The following KIF6 variants were observed in gnomAD, a reference collection of about 807,000 sequenced individuals.
KIF6 encodes kinesin family member 6, also known as kinesin-like protein KIF6.
A neutral mutation model predicts 112.7 loss-of-function variants in KIF6; 106 were observed. That is an observed-to-expected ratio of 0.94 (90% CI 0.80 to 1.11). The LOEUF (loss-of-function observed/expected upper bound fraction) is 1.11, where lower values mean the gene tolerates loss of function less well. KIF6 is among the 50% of genes least tolerant of loss of function. The pLI, the probability that KIF6 is intolerant of heterozygous loss-of-function variation, is 0.00. For synonymous variants in KIF6, 339 were observed against 339.9 expected (o/e 1.00, Z 0.03); for missense variants, 929 against 964.0 (o/e 0.96, Z 0.48).
chr6:39,545,132 T>A (rs1220968484), intron 11 of KIF6, among the ~76,000 whole-genome samples: 1 of 152,204 alleles, frequency 6.6e-6, no homozygotes, highest in Non-Finnish European at 1.5e-5. Context: ...ACAACAAATG[T>A]TTATTATCTT....
At chr6:39,606,676 A>G (rs1782906973) in intron 6 of KIF6, among the ~76,000 whole-genome samples, 1 of 152,126 alleles carries the variant, frequency 6.6e-6, no homozygotes, top group Non-Finnish European at 1.5e-5. Context: ...CCTGAACCCC[A>G]CTCACCAAAG....
chr6:39,343,696 G>A lies in KIF6; in HGVS notation c.2428+13C>T. On this transcript the variant is annotated intron_variant, in intron 22 of 22. Transcript: ENST00000287152. The surrounding 1 kb of genome is among the most constrained non-coding windows in gnomAD (Gnocchi z 4.1). Reference sequence around the variant, plus strand: ...TGCTGCCCAGGAGGAGCCACCGAGGGAGGTGCACTTACATTGCTTCTGCAG... The same window carrying A: ...TGCTGCCCAGGAGGAGCCACCGAGGAAGGTGCACTTACATTGCTTCTGCAG... 1 of 1,586,348 alleles carries A rather than the reference G, an allele frequency of 6.3e-7. No homozygotes were observed. Among genetic ancestry groups the A allele is most frequent in the Non-Finnish European group, 8.6e-7 (1 of 1,162,480 alleles).
At chr6:39,341,896 C>T (rs1407876379) in intron 22 of KIF6, among the ~76,000 whole-genome samples, 1 of 151,610 alleles carries the variant, frequency 6.6e-6, no homozygotes, top group African/African-American at 2.4e-5. Flanking sequence ...ACTGGTCTAC[C>T]CTTGGCCCCT....
In KIF6 at chr6:39,723,087, G is replaced by T. The variant is rs367710388; in HGVS notation, c.66+2158C>A. On this transcript the variant is annotated intron_variant, in intron 1 of 22. Transcript: ENST00000287152. The stretch of plus-strand genomic sequence containing the variant: ...GCTCAACAGTTTAAGCTAAGAATCT[G>T]GGGGGAAATGTTACATACAATACAC... Among the ~76,000 whole-genome samples, 4 of 152,208 alleles carry T rather than the reference G, an allele frequency of 2.6e-5. No homozygotes were observed. In the East Asian group the frequency reaches 5.8e-4, roughly 22 times the overall value.
chr6:39,586,817 T>G (rs757002183), intron 7 of KIF6, among the ~76,000 whole-genome samples: 1 of 152,170 alleles, frequency 6.6e-6, no homozygotes, highest in Non-Finnish European at 1.5e-5. Context: ...AGGATAGTGG[T>G]TGAGGTCCCA....
intron 3 of KIF6, among the ~76,000 whole-genome samples, chr6:39,699,439 T>C (rs1242422530): frequency 6.6e-6 from 1 of 151,972 alleles, no homozygotes; most frequent in Non-Finnish European, 1.5e-5. Flanking sequence ...AGGCTAGAGG[T>C]TTCCGGAATG....
chr6:39,636,193 G>A (rs2150761233), intron 4 of KIF6, among the ~76,000 whole-genome samples: 1 of 152,086 alleles, frequency 6.6e-6, no homozygotes, highest in East Asian at 1.9e-4. Flanking sequence ...GTTCTTCAGT[G>A]TAAAATGAAT....
intron 13 of KIF6, among the ~76,000 whole-genome samples, chr6:39,539,633 G>A (rs1410091294): frequency 2.0e-5 from 3 of 152,152 alleles, no homozygotes; most frequent in Admixed American, 6.5e-5. Flanking sequence ...GTGAGCCACC[G>A]TGCCTGGCCT....
chr6:39,631,519 G>A (rs1275127031), intron 5 of KIF6, among the ~76,000 whole-genome samples: 2 of 151,874 alleles, frequency 1.3e-5, no homozygotes, highest in African/African-American at 4.8e-5. Context: ...TCTGAGCTTC[G>A]TATAATTTTT....
At chr6:39,541,614 T>C (rs559433797) in intron 12 of KIF6, among the ~76,000 whole-genome samples, 1 of 152,300 alleles carries the variant, frequency 6.6e-6, no homozygotes, top group Non-Finnish European at 1.5e-5. Flanking sequence ...AGTTTCTTGC[T>C]CTCACGAAGC....
chr6:39,702,055 A>G (rs775006384), intron 3 of KIF6, among the ~76,000 whole-genome samples: 4 of 152,222 alleles, frequency 2.6e-5, no homozygotes, highest in African/African-American at 4.8e-5. Context: ...ATATGAGGGC[A>G]TGTGGAAATG....
At chr6:39,606,666 C>T (rs1782906127) in intron 6 of KIF6, among the ~76,000 whole-genome samples, 3 of 152,124 alleles carry the variant, frequency 2.0e-5, no homozygotes, top group Non-Finnish European at 2.9e-5. Context: ...TAACAAACTC[C>T]CTGAACCCCA....
intron 16 of KIF6, among the ~76,000 whole-genome samples, chr6:39,371,997 C>T (rs910668035): frequency 1.3e-5 from 2 of 152,106 alleles, no homozygotes; most frequent in South Asian, 2.1e-4. Context: ...TTGAGGAAAT[C>T]GAGCCTTAGC....
Position 39,584,937 on chromosome 6 carries a change from C to T in KIF6, c.1038G>A (p.Lys346=), listed in dbSNP as rs1351240631. The T allele has an allele frequency of 6.2e-7, 1 of 1,612,598 alleles. No homozygotes were observed. Among genetic ancestry groups the T allele is most frequent in the South Asian group, 1.1e-5 (1 of 90,900 alleles). The change falls in exon 9 of 23, where the codon AAG becomes AAA. Residue 346 remains lysine, a synonymous_variant. Transcript: ENST00000287152. ...CRFAQRVALI[K]NEAVLNEEIN... ...TTTCTTCATTAAGAACAGCTTCATT[C>T]TTTATGAGTGCCACTCGCTGTGCAA... is the stretch of plus-strand genomic sequence containing the variant.
At chr6:39,451,384 A>G (rs892628365) in intron 13 of KIF6, among the ~76,000 whole-genome samples, 1 of 152,238 alleles carries the variant, frequency 6.6e-6, no homozygotes, top group African/African-American at 2.4e-5. Flanking sequence ...GAAAAAGTGT[A>G]TTTGCACAAA....
In KIF6 at chr6:39,572,428, G is replaced by A. The variant is rs540490887; in HGVS notation, c.1181+5628C>T. ...CAAAGCACCTATTAAAATGATTAGCGTCTAGTAGGTGCTCAATAAATTCAG... is the reference window on the plus strand; with the variant it reads ...CAAAGCACCTATTAAAATGATTAGCATCTAGTAGGTGCTCAATAAATTCAG... On this transcript the variant is annotated intron_variant, in intron 10 of 22. Transcript: ENST00000287152. Among the ~76,000 whole-genome samples, 432 of 152,104 alleles carry A rather than the reference G, an allele frequency of 2.8e-3. 1 individual carries two copies. Among genetic ancestry groups the A allele is most frequent in the African/African-American group, 9.7e-3 (402 of 41,472 alleles).
chr6:39,667,959 A>G (rs1156801113), intron 3 of KIF6, among the ~76,000 whole-genome samples: 1 of 152,094 alleles, frequency 6.6e-6, no homozygotes, highest in African/African-American at 2.4e-5. Flanking sequence ...ATGATGAGTG[A>G]GTTCTCGCTT....
intron 17 of KIF6, 145 bp from the exon 18 acceptor site, chr6:39,360,675 G>A (rs565701465): frequency 3.2e-5 from 27 of 831,482 alleles, no homozygotes; most frequent in African/African-American, 2.7e-4. Context: ...TAGGAGCTTC[G>A]GAGGCCAGGC....
At chr6:39,605,276 T>G (rs940862224) in intron 6 of KIF6, among the ~76,000 whole-genome samples, 1 of 152,166 alleles carries the variant, frequency 6.6e-6, no homozygotes, top group Admixed American at 6.6e-5. Context: ...TTGTCTACTC[T>G]GTCCATTTTT....
Sources: allele counts gnomAD v4.1 joint callset (sites outside exome capture counted in the v4.1 genomes callset), GRCh38; gene constraint gnomAD v4.1.1; non-coding constraint Gnocchi (gnomAD v3.1); transcripts MANE v1.5; gene names NCBI Gene and HGNC (gene_info 2026-07-23, HGNC 2026-07-21).